SYNE1: variants seen among roughly 807,000 people sequenced by gnomAD.
SYNE1 encodes spectrin repeat containing nuclear envelope protein 1.
SYNE1 carries 616 observed loss-of-function variants against 1,111.0 expected under a neutral mutation model. The ratio of observed to expected loss-of-function variants is 0.55; its 90% CI spans 0.52 to 0.59. The LOEUF is 0.59. SYNE1 is among the 20% of genes least tolerant of loss of function. SYNE1 has a pLI of 0.00. For synonymous variants in SYNE1, 3,855 were observed against 3,825.8 expected, an observed-to-expected ratio of 1.01 and a Z score of -0.28; for missense variants, 10,006 against 10,417.0, an observed-to-expected ratio of 0.96 and a Z score of 1.72.
intron 4 of SYNE1, among the ~76,000 whole-genome samples, chr6:152,538,472 A>C (rs1449371797): frequency 6.6e-6 from 1 of 152,086 alleles, no homozygotes; most frequent in Admixed American, 6.6e-5. Context: ...GTGTGTAGAA[A>C]AGTGTTGTCC....
At chr6:152,596,098 TAAAAAAAA>T (rs71017542) in intron 3 of SYNE1, among the ~76,000 whole-genome samples, 2 of 18,590 alleles carry the variant, frequency 1.1e-4, no homozygotes, top group South Asian at 3.8e-3. Flanking sequence ...AAGGGCAATC[TAAAAAAAA>T]AAAAAAAAAA....
chr6:152,458,608 G>T, intron 22 of SYNE1, 149 bp downstream of exon 22: 1 of 779,902 alleles, frequency 1.3e-6, no homozygotes, highest in Non-Finnish European at 2.1e-6. Context: ...TTTCATCTTT[G>T]GACAAGACAT....
chr6:152,594,520 A>T (rs1220234629), intron 3 of SYNE1, among the ~76,000 whole-genome samples: 3 of 152,250 alleles, frequency 2.0e-5, no homozygotes, highest in African/African-American at 7.2e-5. Flanking sequence ...ATATCCAATG[A>T]ATCTATGAAA....
chr6:152,369,442 A>T (rs557559117), intron 60 of SYNE1, 29 bp downstream of exon 60: 1 of 1,614,078 alleles, frequency 6.2e-7, no homozygotes, highest in Non-Finnish European at 8.5e-7. Flanking sequence ...ACTAGGTCAG[A>T]TGGGGCTACG....
intron 53 of SYNE1, 59 bp downstream of exon 53, chr6:152,390,221 C>G (rs2097586053): frequency 1.3e-6 from 2 of 1,591,420 alleles, no homozygotes; most frequent in Admixed American, 3.3e-5. Flanking sequence ...AGTACTGCTC[C>G]ATCATTTTAC....
At chr6:152,581,829 A>C (rs142624388) in intron 3 of SYNE1, among the ~76,000 whole-genome samples, 386 of 152,112 alleles carry the variant, frequency 2.5e-3, no homozygotes, top group African/African-American at 8.5e-3. Context: ...TCCCCTGCTG[A>C]TTCTTATGCA....
At position 152,461,811 on chromosome 6, in the gene SYNE1, G is replaced by A. The variant is rs2098735705; in HGVS notation, c.2251-71C>T. On this transcript the variant is annotated intron_variant, in intron 20 of 145. Coordinates refer to ENST00000367255, the MANE Select transcript of SYNE1 (RefSeq NM_182961.4). ...CTCTTAACTTCCGGATTCCACAGAA[G>A]GCAGAACAAAAATCAATATGCACTG... 12 of 1,602,854 alleles carry A rather than the reference G, an allele frequency of 7.5e-6. No individual in the cohort carries two copies. In the South Asian group the frequency reaches 1.3e-4, roughly 18 times the overall value.
At chr6:152,584,644 C>T (rs112696491) in intron 3 of SYNE1, among the ~76,000 whole-genome samples, 3,128 of 152,138 alleles carry the variant, frequency 0.021, 40 homozygotes, top group Non-Finnish European at 0.032. Context: ...CTCAAGTGAT[C>T]CTCCCTCCTC....
At chr6:152,193,732 C>T (rs187975144) in intron 127 of SYNE1, among the ~76,000 whole-genome samples, 265 of 152,192 alleles carry the variant, frequency 1.7e-3, no homozygotes, top group Middle Eastern at 3.4e-3. Flanking sequence ...TTTATACAGG[C>T]CAGGCGCGGT....
rs1178086515 is a variant in SYNE1 at position 152,534,198 on chromosome 6, GAATGAATA to G, written c.129+5754_129+5761del. Among the ~76,000 whole-genome samples, 226 of 138,900 alleles carry G rather than the reference GAATGAATA, an allele frequency of 1.6e-3. 1 individual carries two copies. Among genetic ancestry groups the G allele is most frequent in the Non-Finnish European group, 2.2e-3 (147 of 66,236 alleles). The allele number at this position is 138,900 out of a possible 152,430, so 91.1% of individuals were successfully genotyped here. ...TGAATGAATGAATGAATGAATGAAT[GAATGAATA>G]AATAAATAAATAAAATAATATATTT... On this transcript the variant is annotated intron_variant, in intron 4 of 145. Coordinates refer to ENST00000367255, the MANE Select transcript of SYNE1 (RefSeq NM_182961.4).
chr6:152,148,214 C>T lies in SYNE1; in HGVS notation c.24807G>A (p.Arg8269=). Reference sequence around the variant, plus strand: ...CACTAGCCGGGGTGTCTCGTCCTGACCGCTCGCTCCGGAGGGGCTGAGCGA... The same window carrying T: ...CACTAGCCGGGGTGTCTCGTCCTGATCGCTCGCTCCGGAGGGGCTGAGCGA... ...LSLAQPLRSE[R]SGRDTPASVD... is the part of the protein sequence containing the mutation. The change falls in exon 137 of 146, where the codon CGG becomes CGA. Residue 8269 remains arginine (R), a synonymous_variant. Transcript: ENST00000367255. This position sits in a 1 kb window ranked among gnomAD's most constrained non-coding sequence, Gnocchi z 4.1. 1.9e-6 allele frequency: 3 copies of T among 1,614,156 alleles called. No individual in the cohort carries two copies. Among genetic ancestry groups the T allele is most frequent in the Non-Finnish European group, 2.5e-6 (3 of 1,180,016 alleles).
chr6:152,287,038 T>C (rs1402813041), intron 95 of SYNE1, among the ~76,000 whole-genome samples: 1 of 152,244 alleles, frequency 6.6e-6, no homozygotes, highest in Non-Finnish European at 1.5e-5. Flanking sequence ...TGAGAGCAAG[T>C]GCTAAGAAAC....
chr6:152,431,710 G>A (rs1237916288), intron 34 of SYNE1, among the ~76,000 whole-genome samples: 1 of 152,092 alleles, frequency 6.6e-6, no homozygotes, highest in African/African-American at 2.4e-5. Flanking sequence ...TTTGACTTCT[G>A]TCTAGATGAG....
intron 105 of SYNE1, among the ~76,000 whole-genome samples, chr6:152,248,622 C>G (rs565925013): frequency 6.6e-6 from 1 of 152,152 alleles, no homozygotes; most frequent in South Asian, 2.1e-4. Context: ...ATCTTAAATT[C>G]AGCTAAAATA....
Position 152,179,673 on chromosome 6 carries a change from CTTTTTTTTTTTTTTTTT to C in SYNE1, c.23460+446_23460+462del, listed in dbSNP as rs796260764. Among the ~76,000 whole-genome samples the C allele has an allele frequency of 3.2e-3, 176 of 55,120 alleles. 2 individuals are homozygous for C. The highest frequency in any genetic ancestry group is 0.012 in the African/African-American group (153 of 12,826). 36.2% of individuals were successfully genotyped at this position (55,120 alleles called of 152,430 possible). Reference sequence around the variant, plus strand: ...GCAAGTTTATTTTATGCTGGATATCCTTTTTTTTTTTTTTTTTTTTTTTTTTTTTTGAGACAGAGTCT... The same window carrying C: ...GCAAGTTTATTTTATGCTGGATATCCTTTTTTTTTTTTTGAGACAGAGTCT... On this transcript the variant is annotated intron_variant, in intron 129 of 145. Coordinates refer to ENST00000367255, the MANE Select transcript of SYNE1 (RefSeq NM_182961.4).
intron 105 of SYNE1, among the ~76,000 whole-genome samples, chr6:152,246,097 GA>G (rs1252101220): frequency 6.6e-6 from 1 of 152,126 alleles, no homozygotes; most frequent in African/African-American, 2.4e-5. Flanking sequence ...CAATTTGACA[GA>G]AGGATTCTCT....
At position 152,450,761 on chromosome 6, in the gene SYNE1, T is replaced by C; in HGVS notation, c.3259A>G (p.Lys1087Glu). The C allele has an allele frequency of 1.2e-6, 2 of 1,614,142 alleles. No individual in the cohort carries two copies. The highest frequency in any genetic ancestry group is 1.7e-6 in the Non-Finnish European group (2 of 1,180,016). Residue 1087 changes from lysine to glutamate, a missense_variant, in exon 27 of 146, where the codon AAA becomes GAA. Coordinates refer to ENST00000367255, the MANE Select transcript of SYNE1 (RefSeq NM_182961.4). ...CTTACTGGGTCCCGCACTGGGAGTT[T>C]CACACAGAGTTCCTCGATGAGCTGT... ...RLQLIEELCV[K>E]LPVRDPVRDT...
chr6:152,256,089 A>C (rs1336642398), intron 102 of SYNE1, among the ~76,000 whole-genome samples: 1 of 151,188 alleles, frequency 6.6e-6, no homozygotes, highest in Non-Finnish European at 1.5e-5. Context: ...ACAGTGCAAG[A>C]CTCTGAAAAA....
chr6:152,493,978 T>C (rs891545782), intron 11 of SYNE1, among the ~76,000 whole-genome samples: 5 of 152,140 alleles, frequency 3.3e-5, no homozygotes, highest in African/African-American at 1.2e-4. Flanking sequence ...TCTCCCTAAC[T>C]CATCCCAACC....
Sources: allele counts gnomAD v4.1 joint callset (sites outside exome capture counted in the v4.1 genomes callset), GRCh38; gene constraint gnomAD v4.1.1; non-coding constraint Gnocchi (gnomAD v3.1); transcripts MANE v1.5; gene names NCBI Gene and HGNC (gene_info 2026-07-23, HGNC 2026-07-21).